Variants in CELA3A observed in about 807,000 individuals in gnomAD.
CELA3A encodes the protein chymotrypsin-like elastase family member 3A.
In CELA3A, 35 loss-of-function variants were observed where a neutral mutation model predicts 38.6. That is an observed-to-expected ratio of 0.91 (90% confidence interval 0.69 to 1.20). The LOEUF is 1.20. CELA3A is among the 50% of genes most tolerant of loss of function. The pLI is 0.00. For synonymous variants in CELA3A, 143 were observed against 136.7 expected (o/e 1.05, Z -0.32); for missense variants, 343 against 354.2 (o/e 0.97, Z 0.25).
At chr1:22,009,878 C>A (rs3806297) in intron 7 of CELA3A, 21 bp downstream of exon 7, 1,054,358 of 1,572,900 alleles carry the variant, frequency 0.67, 357,156 homozygotes, top group Middle Eastern at 0.73. Flanking sequence ...CAGGGCGGCC[C>A]GGAGGGCTTT....
intron 7 of CELA3A, among the ~76,000 whole-genome samples, chr1:22,010,401 G>A (rs529558899): frequency 2.6e-4 from 39 of 151,128 alleles, no homozygotes; most frequent in African/African-American, 6.8e-4. Context: ...GGTGGATCAC[G>A]AGGTTAGGAG....
chr1:22,009,973 G>A lies in CELA3A; in HGVS notation c.795+116G>A, dbSNP rs567717338. ...GAAAGGATCCTAGAAGCTCAGTGGG[G>A]AAGGGCCCTTGGGGACATTCCAGAA... On this transcript the variant is annotated intron_variant, in intron 7 of 7. Coordinates refer to ENST00000290122, the MANE Select transcript of CELA3A (RefSeq NM_005747.5). 6.2e-4 allele frequency: 907 copies of A among 1,451,908 alleles called. 3 individuals are homozygous for A. Among genetic ancestry groups the A allele is most frequent in the Non-Finnish European group, 8.0e-4 (865 of 1,086,382 alleles). The allele number at this position is 1,451,908 out of a possible 1,614,324, so 89.9% of individuals were successfully genotyped here. A position where few individuals can be genotyped will look rare whatever the true frequency, so the allele number is the denominator to read the frequency against.
rs112449136 is a variant in CELA3A at position 22,004,070 on chromosome 1, T to G, written c.129+982T>G. On this transcript the variant is annotated intron_variant, in intron 2 of 7. Coordinates refer to ENST00000290122, the MANE Select transcript of CELA3A (RefSeq NM_005747.5). The stretch of plus-strand genomic sequence containing the variant: ...AGTGCTTTTTTCTTTTCTTTTCTTT[T>G]CTTTGTTTTTTTTTTTTTTGAGACA... 5.8e-4 allele frequency among the ~76,000 whole-genome samples: 50 copies of G among 85,832 alleles called. 1 individual carries two copies. Among genetic ancestry groups the G allele is most frequent in the South Asian group, 3.1e-3 (8 of 2,598 alleles). The allele number at this position is 85,832 out of a possible 152,430, so 56.3% of individuals were successfully genotyped here.
At chr1:22,011,439 C>T (rs202205538) in intron 7 of CELA3A, among the ~76,000 whole-genome samples, 9,907 of 132,110 alleles carry the variant, frequency 0.075, 844 homozygotes, top group East Asian at 0.16. Flanking sequence ...CCATTTAATC[C>T]CTTGGTTCCC....
chr1:22,009,786 T>G lies in CELA3A; in HGVS notation c.724T>G (p.Phe242Val), dbSNP rs780290481. ...VHGVTSFVSA[F>V]GCNFIWKPTV... ...CGGTGTGACCAGCTTTGTTTCTGCC[T>G]TTGGCTGCAACTTCATCTGGAAGCC... is the stretch of plus-strand genomic sequence containing the variant. The change falls in exon 7 of 8, where the codon TTT (phenylalanine) becomes GTT (valine). Residue 242 changes from phenylalanine (F) to valine (V), a missense_variant. By Grantham distance (50) the Phe-to-Val change is conservative. Transcript: ENST00000290122. 54 of 1,611,910 alleles carry G rather than the reference T, an allele frequency of 3.4e-5. No individual in the cohort carries two copies. Among genetic ancestry groups the G allele is most frequent in the Non-Finnish European group, 3.4e-6 (4 of 1,179,280 alleles).
chr1:22,004,905 GC>G (rs1644940100), intron 2 of CELA3A, among the ~76,000 whole-genome samples: 1 of 151,188 alleles, frequency 6.6e-6, no homozygotes, highest in Non-Finnish European at 1.5e-5. Flanking sequence ...CTCGAGACCA[GC>G]CTGGCCAACA....
chr1:22,002,923 A>G (rs750138821), intron 1 of CELA3A, 80 bp from the exon 2 acceptor site: 8 of 1,317,844 alleles, frequency 6.1e-6, no homozygotes, highest in Non-Finnish European at 8.5e-6. Context: ...AGTTGAAGGC[A>G]TGGCTTGGAC....
rs150719625 is a variant in CELA3A at position 22,005,512 on chromosome 1, C to G, written c.195C>G (p.Pro65=). ...CGTGTGGCGGTAGCCTCATCGCCCC[C>G]GATTGGGTTGTGACTGCCGGCCACT... The part of the protein sequence containing the change: ...YHTCGGSLIA[P]DWVVTAGHCI... Residue 65 remains proline (P), a synonymous_variant, in exon 3 of 8, where the codon CCC becomes CCG. Transcript: ENST00000290122. The G allele has an allele frequency of 3.1e-6, 5 of 1,612,962 alleles. No individual in the cohort carries two copies. The highest frequency in any genetic ancestry group is 3.3e-5 in the Admixed American group (2 of 59,960).
chr1:22,009,484 G>A (rs1335558309), intron 6 of CELA3A, among the ~76,000 whole-genome samples: 6 of 151,416 alleles, frequency 4.0e-5, no homozygotes, highest in African/African-American at 4.9e-5. Flanking sequence ...GCCGGGAGAC[G>A]GAGGTTGCAA....
chr1:22,005,064 C>G (rs1368426821), intron 2 of CELA3A, among the ~76,000 whole-genome samples: 65 of 149,744 alleles, frequency 4.3e-4, no homozygotes, highest in Non-Finnish European at 8.9e-5. Context: ...GCCACCATTG[C>G]ACTCCAGCCT....
chr1:22,001,831 G>A, intron 1 of CELA3A, 114 bp downstream of exon 1: 16 of 1,431,504 alleles, frequency 1.1e-5, no homozygotes, highest in Non-Finnish European at 1.6e-5. Context: ...ACAGGAGGGG[G>A]TCTCAGCTTG....
intron 2 of CELA3A, among the ~76,000 whole-genome samples, chr1:22,005,199 G>C (rs1644942226): frequency 6.6e-6 from 1 of 151,636 alleles, no homozygotes; most frequent in African/African-American, 2.4e-5. Context: ...GGGGTCCCCA[G>C]GGAGGTCATA....
At chr1:22,008,701 G>T (rs1490318764) in intron 6 of CELA3A, among the ~76,000 whole-genome samples, 1 of 150,494 alleles carries the variant, frequency 6.6e-6, no homozygotes, top group African/African-American at 2.5e-5. Context: ...GGAGCTTGCC[G>T]TGAGCCGAGA....
At chr1:22,005,630 C>G in intron 3 of CELA3A, 32 bp from the exon 4 acceptor site, 1 of 1,612,218 alleles carries the variant, frequency 6.2e-7, no homozygotes, top group Non-Finnish European at 8.5e-7. Context: ...GTGAGCCAGT[C>G]AGGCCCCGAC....
chr1:22,003,797 C>A (rs1364905258), intron 2 of CELA3A, among the ~76,000 whole-genome samples: 1 of 150,994 alleles, frequency 6.6e-6, no homozygotes, highest in Non-Finnish European at 1.5e-5. Context: ...ACTCTGCCAC[C>A]CGGGTTCAAG....
chr1:22,012,071 A>T lies in CELA3A; in HGVS notation c.796-379A>T, dbSNP rs186657297. Among the ~76,000 whole-genome samples, 41 of 127,334 alleles carry T rather than the reference A, an allele frequency of 3.2e-4. 13 individuals are homozygous for T. The East Asian group carries it at 4.6e-3, about 14-fold the overall frequency. The allele number at this position is 127,334 out of a possible 152,430, so 83.5% of individuals were successfully genotyped here. A position where few individuals can be genotyped will look rare whatever the true frequency, so the allele number is the denominator to read the frequency against. Reference sequence around the variant, plus strand: ...CAAAAAAAACCAAAAAAACAAAAAAAATATAGATTTTGTTTATATATATAC... The same window carrying T: ...CAAAAAAAACCAAAAAAACAAAAAATATATAGATTTTGTTTATATATATAC... On this transcript the variant is annotated intron_variant, in intron 7 of 7. Transcript: ENST00000290122.
chr1:22,002,966 C>T (rs1223094082), intron 1 of CELA3A, 37 bp from the exon 2 acceptor site: 1 of 1,560,010 alleles, frequency 6.4e-7, no homozygotes, highest in Admixed American at 1.7e-5. Context: ...CTTTTGGGGA[C>T]CCTCCAGCTG....
At chr1:22,007,977 T>G (rs1418228558) in intron 6 of CELA3A, among the ~76,000 whole-genome samples, 2 of 150,774 alleles carry the variant, frequency 1.3e-5, no homozygotes, top group East Asian at 3.9e-4. Flanking sequence ...TATAGTGAGA[T>G]GCCCATCTAC....
intron 2 of CELA3A, among the ~76,000 whole-genome samples, chr1:22,003,491 G>C (rs1229258166): frequency 6.6e-6 from 1 of 150,734 alleles, no homozygotes; most frequent in Non-Finnish European, 1.5e-5. Context: ...AGCTCAGAAG[G>C]CTGGACTTGA....
Sources: gnomAD v4.1 joint callset for allele counts (sites outside exome capture counted in the v4.1 genomes callset) on GRCh38, gnomAD v4.1.1 for gene constraint, MANE v1.5 for transcripts, NCBI Gene and HGNC (gene_info 2026-07-23, HGNC 2026-07-21) for gene names.